TMBIM6: variants seen among roughly 807,000 people sequenced by gnomAD.
TMBIM6 encodes bax inhibitor 1.
A neutral mutation model predicts 31.4 loss-of-function variants in TMBIM6; 13 were observed. The ratio of observed to expected loss-of-function variants is 0.41; its 90% CI spans 0.27 to 0.66. The LOEUF (loss-of-function observed/expected upper bound fraction) is 0.66. Ranked by LOEUF, TMBIM6 falls within the 30% of genes least tolerant of loss-of-function variation. The pLI, the probability that TMBIM6 is intolerant of heterozygous loss-of-function variation, is 0.28. For synonymous variants in TMBIM6, 85 were observed against 101.7 expected, an observed-to-expected ratio of 0.84 and a Z score of 0.99; for missense variants, 275 against 289.5, an observed-to-expected ratio of 0.95 and a Z score of 0.36.
intron 2 of TMBIM6, 52 bp downstream of exon 2, chr12:49,752,601 T>G: frequency 7.0e-7 from 1 of 1,420,572 alleles, no homozygotes; most frequent in Non-Finnish European, 9.9e-7. Context: ...TTCATATCTC[T>G]TTGTCCCTTT....
chr12:49,742,144 A>ACT lies in TMBIM6; in HGVS notation c.-31+535_-31+536dup, dbSNP rs756145333. 13 of 1,611,364 alleles carry ACT rather than the reference A, an allele frequency of 8.1e-6. No individual in the cohort carries two copies. The African/African-American group carries it at 1.3e-4, about 17-fold the overall frequency. On this transcript the variant is annotated intron_variant, in intron 1 of 9. Transcript: ENST00000267115. ...GGGCCTGGCGGGCGGGTGATGTCAC[A>ACT]CTCCTCTGTGACACGCGAGGCTCCT...
At position 49,764,062 on chromosome 12, in the gene TMBIM6, T is replaced by G. The variant is rs1284458670; in HGVS notation, c.*1166T>G. 1.3e-5 allele frequency: 2 copies of G among 152,232 alleles called. No homozygotes were observed. The highest frequency in any genetic ancestry group is 4.8e-5 in the African/African-American group (2 of 41,458). The allele number at this position is 152,232 out of a possible 1,614,324, so 9.4% of individuals were successfully genotyped here. A position where few individuals can be genotyped will look rare whatever the true frequency, so the allele number is the denominator to read the frequency against. On this transcript the variant is annotated 3_prime_UTR_variant, in exon 10 of 10. Coordinates refer to ENST00000267115, the MANE Select transcript of TMBIM6 (RefSeq NM_003217.3). Reference sequence around the variant, plus strand: ...TACTGATGCACTTTAGTTTTTGGTCTGTTACCTGTTTTCCAGAAATTTGTG... The same window carrying G: ...TACTGATGCACTTTAGTTTTTGGTCGGTTACCTGTTTTCCAGAAATTTGTG...
rs1309445266 is a variant in TMBIM6, at chr12:49,764,708, A to AT, written c.*1814dup. ...GAAACAGTGCCAAGAATGACAAGAT[A>AT]TTAAAAAAAAAAAAGAAAGAAAAAA... is the stretch of plus-strand genomic sequence containing the variant. On this transcript the variant is annotated 3_prime_UTR_variant, in exon 10 of 10. Coordinates refer to ENST00000267115, the MANE Select transcript of TMBIM6 (RefSeq NM_003217.3). 5 of 137,152 alleles carry AT rather than the reference A, an allele frequency of 3.6e-5. No homozygotes were observed. The highest frequency in any genetic ancestry group is 1.7e-4 in the African/African-American group (5 of 29,716). The allele number at this position is 137,152 out of a possible 1,614,324, so 8.5% of individuals were successfully genotyped here.
At chr12:49,761,323 C>T (rs1647452733) in intron 8 of TMBIM6, among the ~76,000 whole-genome samples, 1 of 152,090 alleles carries the variant, frequency 6.6e-6, no homozygotes, top group Non-Finnish European at 1.5e-5. Context: ...AGGTGTTCCT[C>T]CCATCTCAGC....
chr12:49,746,411 A>G (rs1592721124), intron 1 of TMBIM6, among the ~76,000 whole-genome samples: 1 of 152,310 alleles, frequency 6.6e-6, no homozygotes, highest in East Asian at 1.9e-4. Context: ...ATATTGTAGT[A>G]ATGAGTACAC....
chr12:49,763,125 A>T lies in TMBIM6; in HGVS notation c.*229A>T. 4.7e-6 allele frequency: 2 copies of T among 426,530 alleles called. No homozygotes were observed. The highest frequency in any genetic ancestry group is 4.7e-4 in the Middle Eastern group (1 of 2,138). The allele number at this position is 426,530 out of a possible 1,614,324, so 26.4% of individuals were successfully genotyped here. A position where few individuals can be genotyped will look rare whatever the true frequency, so the allele number is the denominator to read the frequency against. On this transcript the variant is annotated 3_prime_UTR_variant, in exon 10 of 10. Transcript: ENST00000267115. ...GTTCCCCTCACTCCCTTTTTTGTCA[A>T]CCCCATCTGTAGCCTCTTCCTCTAC...
At chr12:49,758,140 A>G in intron 4 of TMBIM6, 87 bp from the exon 5 acceptor site, 1 of 1,409,050 alleles carries the variant, frequency 7.1e-7, no homozygotes, top group Non-Finnish European at 1.0e-6. Context: ...GAGCATGAGT[A>G]TGCCTATATT....
chr12:49,755,572 C>A, intron 3 of TMBIM6, 63 bp from the exon 4 acceptor site: 2 of 1,596,106 alleles, frequency 1.3e-6, no homozygotes, highest in Non-Finnish European at 1.7e-6. Flanking sequence ...CAATAAAGGT[C>A]TCTTGCAAAA....
At chr12:49,745,154 C>T (rs571373253) in intron 1 of TMBIM6, among the ~76,000 whole-genome samples, 10 of 152,166 alleles carry the variant, frequency 6.6e-5, no homozygotes, top group Admixed American at 2.0e-4. Context: ...TGGATGGTTC[C>T]GAAACTGAAC....
chr12:49,753,920 G>A (rs1592727161), intron 3 of TMBIM6, among the ~76,000 whole-genome samples: 1 of 146,728 alleles, frequency 6.8e-6, no homozygotes, highest in East Asian at 2.0e-4. Flanking sequence ...CAATACTCAT[G>A]GCACTTTTTT....
chr12:49,741,905 T>C (rs1945301569), intron 1 of TMBIM6: 1 of 646,748 alleles, frequency 1.5e-6, no homozygotes, highest in Admixed American at 3.3e-5. Context: ...CGAAGGCCCC[T>C]TCTCAGCCCG....
At chr12:49,741,915 G>C in intron 1 of TMBIM6, 1 of 680,636 alleles carries the variant, frequency 1.5e-6, no homozygotes, top group Non-Finnish European at 2.3e-6. Flanking sequence ...TTCTCAGCCC[G>C]CCTTTTCCTT....
chr12:49,751,206 C>T (rs767991652), intron 1 of TMBIM6, among the ~76,000 whole-genome samples: 24 of 152,048 alleles, frequency 1.6e-4, no homozygotes, highest in Non-Finnish European at 2.9e-4. Flanking sequence ...TTTAAAAATG[C>T]CCTTTTTGAC....
In TMBIM6 at chr12:49,755,650, G is replaced by A; in HGVS notation, c.181G>A (p.Ala61Thr). 1 of 1,614,042 alleles carries A rather than the reference G, an allele frequency of 6.2e-7. No homozygotes were observed. Among genetic ancestry groups the A allele is most frequent in the South Asian group, 1.1e-5 (1 of 91,062 alleles). Reference protein sequence around the residue: ...THFIQAGLLSALGSLILMIWL... With the variant: ...THFIQAGLLSTLGSLILMIWL... ...ACTCTAACAGGCTGGCCTGCTGTCTGCCTTGGGCTCCCTGATATTGATGAT... is the reference window on the plus strand; with the variant it reads ...ACTCTAACAGGCTGGCCTGCTGTCTACCTTGGGCTCCCTGATATTGATGAT... The change falls in exon 4 of 10, where the codon GCC (alanine) becomes ACC (threonine). Residue 61 changes from alanine to threonine, a missense_variant. By Grantham distance (58) the Ala-to-Thr change is moderately conservative. Transcript: ENST00000267115.
At position 49,761,760 on chromosome 12, in the gene TMBIM6, T is replaced by A; in HGVS notation, c.671T>A (p.Ile224Asn). The change falls in exon 9 of 10, where the codon ATC becomes AAC. Residue 224 changes from isoleucine (I) to asparagine (N), a missense_variant. Physicochemically the swap from Ile to Asn is moderately radical, Grantham distance 149. Coordinates refer to ENST00000267115, the MANE Select transcript of TMBIM6 (RefSeq NM_003217.3). ...FITVFRKLMM[I>N]LAMNEKDKKK... The stretch of plus-strand genomic sequence containing the variant: ...ACTGTCTTCAGAAAACTCATGATGA[T>A]CCTGGCCATGAATGAAAAGGTTAGT... The A allele has an allele frequency of 6.2e-7, 1 of 1,614,216 alleles. No homozygotes were observed.
At chr12:49,752,950 T>C (rs375282757) in intron 2 of TMBIM6, 23 bp from the exon 3 acceptor site, 7 of 1,605,336 alleles carry the variant, frequency 4.4e-6, no homozygotes, top group Non-Finnish European at 6.0e-6. Flanking sequence ...GACTGATTGC[T>C]CTTATTCACA....
chr12:49,753,231 A>G (rs1945529032), intron 3 of TMBIM6, 150 bp downstream of exon 3: 2 of 610,506 alleles, frequency 3.3e-6, no homozygotes, highest in South Asian at 4.5e-5. Flanking sequence ...AGGACATGTA[A>G]AGCCATTTTA....
In TMBIM6 at chr12:49,758,211, GT is replaced by G. The variant is rs1945642471; in HGVS notation, c.287-12del. 1 of 1,614,110 alleles carries G rather than the reference GT, an allele frequency of 6.2e-7. No individual in the cohort carries two copies. Among genetic ancestry groups the G allele is most frequent in the African/African-American group, 1.3e-5 (1 of 75,018 alleles). ...AATTGATCGTAATACTGTGTTCTGG[GT>G]TTTCTGTTTTCTAGGAGTTGGCCTG... On this transcript the variant is annotated splice_polypyrimidine_tract_variant and intron_variant, in intron 4 of 9. Transcript: ENST00000267115.
chr12:49,748,459 T>C (rs1945436890), intron 1 of TMBIM6, among the ~76,000 whole-genome samples: 1 of 152,220 alleles, frequency 6.6e-6, no homozygotes, highest in East Asian at 1.9e-4. Context: ...GGGAGAGCTA[T>C]GTATTAAGCT....
Sources: gnomAD v4.1 joint callset for allele counts (sites outside exome capture counted in the v4.1 genomes callset) on GRCh38, gnomAD v4.1.1 for gene constraint, MANE v1.5 for transcripts, NCBI Gene and HGNC (gene_info 2026-07-23, HGNC 2026-07-21) for gene names.